Variants in LASP1NB observed in about 807,000 individuals in gnomAD.
The protein encoded by LASP1NB is LASP1 neighbor.
At chr17:38,925,677 C>A in the LASP1NB span, 3 of 398,602 alleles carry the variant, frequency 7.5e-6, no homozygotes, top group South Asian at 1.3e-4. Flanking sequence ...GGGGCTTGGT[C>A]GGCCTAGGAA....
the LASP1NB span, chr17:38,928,612 T>C: frequency 6.6e-6 from 1 of 152,320 alleles, no homozygotes; most frequent in East Asian, 1.9e-4. Flanking sequence ...TTAAGGAATA[T>C]TAACAAGTAT....
At chr17:38,927,250 G>C in the LASP1NB span, 1 of 152,012 alleles carries the variant, frequency 6.6e-6, no homozygotes, top group Non-Finnish European at 1.5e-5. Context: ...TGCAAATCTG[G>C]GGTGTTTATT....
At chr17:38,925,731 T>C in the LASP1NB span, 2 of 398,556 alleles carry the variant, frequency 5.0e-6, no homozygotes, top group Non-Finnish European at 8.8e-6. Context: ...TTTGCCATCA[T>C]AGGCCTGGTC....
the LASP1NB span, chr17:38,928,998 A>G: frequency 7.2e-5 from 11 of 152,186 alleles, no homozygotes; most frequent in African/African-American, 2.4e-4. Flanking sequence ...ACAACTAATC[A>G]ATTCAGTGAA....
chr17:38,929,035 A>G, the LASP1NB span: 1 of 152,204 alleles, frequency 6.6e-6, no homozygotes, highest in Non-Finnish European at 1.5e-5. Context: ...TCACTCATAC[A>G]CTGGTGATAT....
chr17:38,926,958 C>G, the LASP1NB span: 2 of 152,164 alleles, frequency 1.3e-5, no homozygotes, highest in Non-Finnish European at 2.9e-5. Context: ...TCTTCCCCAC[C>G]TCAAACCACT....
At chr17:38,928,471 A>G in the LASP1NB span, 2 of 152,090 alleles carry the variant, frequency 1.3e-5, no homozygotes, top group African/African-American at 4.8e-5. Context: ...TCTTCCCAAC[A>G]TGACACTTTA....
the LASP1NB span, chr17:38,928,276 G>A: frequency 6.6e-6 from 1 of 151,798 alleles, no homozygotes; most frequent in Non-Finnish European, 1.5e-5. Flanking sequence ...CGAGACCCCC[G>A]TCTCCACAAA....
chr17:38,928,957 G>C, the LASP1NB span: 1 of 152,048 alleles, frequency 6.6e-6, no homozygotes, highest in Non-Finnish European at 1.5e-5. Context: ...TGACATCAAG[G>C]CTTCTCAGTC....
chr17:38,925,887 C>T, the LASP1NB span: 1 of 396,286 alleles, frequency 2.5e-6, no homozygotes, highest in Non-Finnish European at 4.4e-6. Context: ...CTGCTGTTAT[C>T]TCGGGTATTG....
chr17:38,925,848 C>T, the LASP1NB span: 8 of 397,860 alleles, frequency 2.0e-5, no homozygotes, highest in Non-Finnish European at 3.5e-5. Flanking sequence ...GAGTGCCCTG[C>T]TTGCTGACGC....
At chr17:38,925,785 C>T in the LASP1NB span, 156 of 398,420 alleles carry the variant, frequency 3.9e-4, no homozygotes, top group Non-Finnish European at 5.1e-4. Flanking sequence ...CCTGGAGCTG[C>T]GGCCGGAGCC....
At chr17:38,929,342 T>C in the LASP1NB span, 7 of 152,162 alleles carry the variant, frequency 4.6e-5, no homozygotes, top group African/African-American at 1.7e-4. Flanking sequence ...ATTTGTGTCA[T>C]AGGGTAATTT....
chr17:38,926,631 A>G, the LASP1NB span: 5 of 152,228 alleles, frequency 3.3e-5, no homozygotes, highest in Admixed American at 6.5e-5. Context: ...GAGAACAGAA[A>G]GTTGAAATGG....
At chr17:38,925,941 C>T in the LASP1NB span, 1 of 390,184 alleles carries the variant, frequency 2.6e-6, no homozygotes, top group Non-Finnish European at 4.5e-6. Flanking sequence ...AGTTTGCTTT[C>T]CTATTTTTTT....
At chr17:38,926,150 G>A in the LASP1NB span, among the ~76,000 whole-genome samples, 2 of 152,154 alleles carry the variant, frequency 1.3e-5, no homozygotes, top group Admixed American at 6.5e-5. Context: ...AACTCAAGTT[G>A]TCTATTTTCT....
At chr17:38,925,632 C>G in the LASP1NB span, 1 of 398,314 alleles carries the variant, frequency 2.5e-6, no homozygotes, top group Non-Finnish European at 4.4e-6. Context: ...CGACTGCAAC[C>G]TCCGTGCTCA....
the LASP1NB span, chr17:38,929,208 C>T: frequency 6.6e-6 from 1 of 152,108 alleles, no homozygotes. Flanking sequence ...CAGGGTTTTA[C>T]TGTGTTATTT....
chr17:38,926,100 G>A, the LASP1NB span, among the ~76,000 whole-genome samples: 6 of 152,174 alleles, frequency 3.9e-5, no homozygotes, highest in South Asian at 1.0e-3. Context: ...GGTGGGGAGG[G>A]ACTATTATTT....
Sources: allele counts gnomAD v4.1 joint callset (sites outside exome capture counted in the v4.1 genomes callset), GRCh38; gene constraint gnomAD v4.1.1; transcripts MANE v1.5; gene names NCBI Gene and HGNC (gene_info 2026-07-23, HGNC 2026-07-21).